Variants in VWA3B observed in about 807,000 individuals in gnomAD.
VWA3B encodes the protein von Willebrand factor A domain-containing protein 3B.
VWA3B carries 138 observed loss-of-function variants against 158.3 expected under a neutral mutation model. The observed-to-expected ratio is 0.87, with a 90% confidence interval of 0.76 to 1.00. VWA3B has a LOEUF of 1.00. Ranked by LOEUF, VWA3B falls within the 50% of genes least tolerant of loss-of-function variation. The probability of loss-of-function intolerance (pLI) is 0.00; values close to 1 mark genes in which losing one functional copy is unlikely to be tolerated. For missense variants in VWA3B, 1,555 were observed against 1,565.1 expected (o/e 0.99, Z 0.11); for synonymous variants, 596 against 587.3 (o/e 1.01, Z -0.21).
At chr2:98,234,502 A>G (rs1685545331) in intron 16 of VWA3B, 146 bp from the exon 17 acceptor site, 1 of 1,216,110 alleles carries the variant, frequency 8.2e-7, no homozygotes, top group South Asian at 1.6e-5. Flanking sequence ...TCCTGGCAGC[A>G]TTCAGTTTGT....
At chr2:98,267,715 C>T (rs1390740485) in intron 21 of VWA3B, among the ~76,000 whole-genome samples, 9 of 151,820 alleles carry the variant, frequency 5.9e-5, no homozygotes, top group Non-Finnish European at 1.2e-4. Flanking sequence ...GAAATAGAGA[C>T]ACAAAAAACC....
chr2:98,281,545 G>A (rs1208255182), intron 22 of VWA3B, among the ~76,000 whole-genome samples: 1 of 152,190 alleles, frequency 6.6e-6, no homozygotes, highest in Non-Finnish European at 1.5e-5. Context: ...CCAAAGATTA[G>A]TTCTAGTTAA....
At chr2:98,245,704 A>G (rs1686350292) in intron 19 of VWA3B, 1 of 431,496 alleles carries the variant, frequency 2.3e-6, no homozygotes, top group African/African-American at 2.0e-5. Flanking sequence ...TTGATTCACA[A>G]TTGTGCCATA....
chr2:98,114,408 G>A (rs1350825710), intron 2 of VWA3B, among the ~76,000 whole-genome samples: 1 of 152,178 alleles, frequency 6.6e-6, no homozygotes, highest in Non-Finnish European at 1.5e-5. Flanking sequence ...TATTGCTGAT[G>A]GAATTCAAGT....
At chr2:98,128,212 T>C (rs1675536007) in intron 5 of VWA3B, 27 bp from the exon 6 acceptor site, 1 of 1,611,804 alleles carries the variant, frequency 6.2e-7, no homozygotes, top group Middle Eastern at 1.7e-4. Flanking sequence ...GTGAGGGAGA[T>C]AAACCGTTGG....
At chr2:98,147,530 C>T in intron 7 of VWA3B, among the ~76,000 whole-genome samples, 1 of 151,922 alleles carries the variant, frequency 6.6e-6, no homozygotes, top group East Asian at 1.9e-4. Context: ...AGTATTTTCC[C>T]ACATTACTAT....
At chr2:98,274,115 C>G (rs1688375144) in intron 22 of VWA3B, among the ~76,000 whole-genome samples, 1 of 152,178 alleles carries the variant, frequency 6.6e-6, no homozygotes. Flanking sequence ...CTCTCTCATT[C>G]TTTTCTGTCT....
intron 14 of VWA3B, among the ~76,000 whole-genome samples, chr2:98,222,891 A>C (rs1266785911): frequency 6.6e-6 from 1 of 152,224 alleles, no homozygotes; most frequent in Non-Finnish European, 1.5e-5. Flanking sequence ...TAGGACCCAG[A>C]ATCTTCTCAC....
At chr2:98,231,468 ATG>A (rs1685329804) in intron 16 of VWA3B, among the ~76,000 whole-genome samples, 3 of 152,208 alleles carry the variant, frequency 2.0e-5, no homozygotes, top group Non-Finnish European at 2.9e-5. Context: ...ATATACCCAA[ATG>A]ATTTGACAAA....
Position 98,312,038 on chromosome 2 carries a change from G to C in VWA3B, c.3735+6G>C. 1 of 1,592,336 alleles carries C rather than the reference G, an allele frequency of 6.3e-7. No individual in the cohort carries two copies. Among genetic ancestry groups the C allele is most frequent in the Non-Finnish European group, 8.6e-7 (1 of 1,168,930 alleles). On this transcript the variant is annotated splice_donor_region_variant and intron_variant, in intron 27 of 27. Coordinates refer to ENST00000477737, the MANE Select transcript of VWA3B (RefSeq NM_144992.5). Reference sequence around the variant, plus strand: ...GGACACACCCCGAGCCCAGGGTTTGGGTGATGGGGGGGGAACACAACATCG... The same window carrying C: ...GGACACACCCCGAGCCCAGGGTTTGCGTGATGGGGGGGGAACACAACATCG...
At chr2:98,111,366 C>A (rs1351827618) in intron 2 of VWA3B, among the ~76,000 whole-genome samples, 2 of 152,068 alleles carry the variant, frequency 1.3e-5, no homozygotes, top group Non-Finnish European at 2.9e-5. Flanking sequence ...CTACAGCAAA[C>A]ATATAAGGGC....
At chr2:98,304,041 G>C (rs1243024625) in intron 26 of VWA3B, among the ~76,000 whole-genome samples, 1 of 152,176 alleles carries the variant, frequency 6.6e-6, no homozygotes, top group Non-Finnish European at 1.5e-5. Flanking sequence ...CTTCAGGAAA[G>C]CATTCATGAA....
chr2:98,129,662 A>C (rs889674094), intron 6 of VWA3B, among the ~76,000 whole-genome samples: 1 of 151,440 alleles, frequency 6.6e-6, no homozygotes, highest in African/African-American at 2.4e-5. Context: ...TAAAACCTGC[A>C]TTTAAAAACA....
chr2:98,109,282 G>A (rs370414256), intron 2 of VWA3B, among the ~76,000 whole-genome samples: 5 of 152,138 alleles, frequency 3.3e-5, no homozygotes, highest in Admixed American at 6.5e-5. Flanking sequence ...GTGAGCCACC[G>A]CGCCTGGCTA....
At position 98,188,333 on chromosome 2, in the gene VWA3B, G is replaced by A. The variant is rs374762779; in HGVS notation, c.1466+204G>A. ...CACATATCCATCACCTCAAACACACGTCGTTTCTGTATGTTGTGAACATTC... is the reference window on the plus strand; with the variant it reads ...CACATATCCATCACCTCAAACACACATCGTTTCTGTATGTTGTGAACATTC... On this transcript the variant is annotated intron_variant, in intron 10 of 27. Transcript: ENST00000477737. Among the ~76,000 whole-genome samples the A allele has an allele frequency of 8.5e-5, 13 of 152,064 alleles. No individual in the cohort carries two copies. The East Asian group carries it at 9.6e-4, about 11-fold the overall frequency.
intron 19 of VWA3B, among the ~76,000 whole-genome samples, chr2:98,240,168 A>G (rs1685982126): frequency 6.6e-6 from 1 of 152,180 alleles, no homozygotes; most frequent in Non-Finnish European, 1.5e-5. Context: ...ACATATGCAT[A>G]TGTAAGTATG....
At chr2:98,196,238 A>C (rs1682028964) in intron 12 of VWA3B, among the ~76,000 whole-genome samples, 1 of 152,182 alleles carries the variant, frequency 6.6e-6, no homozygotes, top group Admixed American at 6.5e-5. Flanking sequence ...AATGTATTGT[A>C]TACTTGAAAA....
rs1196559287 is a variant in VWA3B, at chr2:98,312,645, G to A, written c.*296G>A. 6.0e-6 allele frequency: 2 copies of A among 331,462 alleles called. No individual in the cohort carries two copies. Among genetic ancestry groups the A allele is most frequent in the Non-Finnish European group, 1.1e-5 (2 of 181,702 alleles). 20.5% of individuals were successfully genotyped at this position (331,462 alleles called of 1,614,324 possible). On this transcript the variant is annotated 3_prime_UTR_variant, in exon 28 of 28. Coordinates refer to ENST00000477737, the MANE Select transcript of VWA3B (RefSeq NM_144992.5). ...CCACCCCCAGAAGTTTTAACCTGAA[G>A]GATGACTGTCACAGGACTTTCAAAT...
chr2:98,110,396 TG>T (rs1400574564), intron 2 of VWA3B, among the ~76,000 whole-genome samples: 1 of 152,204 alleles, frequency 6.6e-6, no homozygotes, highest in East Asian at 1.9e-4. Context: ...AGACTTCCTA[TG>T]TTTTTATTCA....
Sources: gnomAD v4.1 joint callset for allele counts (sites outside exome capture counted in the v4.1 genomes callset) on GRCh38, gnomAD v4.1.1 for gene constraint, MANE v1.5 for transcripts, NCBI Gene and HGNC (gene_info 2026-07-23, HGNC 2026-07-21) for gene names.